The following GPC3 variants were observed in gnomAD, a reference collection of about 807,000 sequenced individuals.
GPC3 encodes glypican-3.
GPC3 carries 3 observed loss-of-function variants against 34.4 expected under a neutral mutation model. The observed-to-expected ratio is 0.09, with a 90% CI of 0.04 to 0.23. The LOEUF (loss-of-function observed/expected upper bound fraction) is 0.23, where lower values mean the gene tolerates loss of function less well. Among genes scored for constraint, GPC3 ranks in the 10% least tolerant of loss-of-function variants. GPC3 has a pLI of 1.00. For synonymous variants in GPC3, 177 were observed against 174.0 expected (o/e 1.02, Z -0.13); for missense variants, 351 against 445.6 (o/e 0.79, Z 1.91).
intron 1 of GPC3, among the ~76,000 whole-genome samples, chrX:133,972,692 G>A (rs1273558113): frequency 8.9e-6 from 1 of 112,268 alleles, no homozygotes; most frequent in Non-Finnish European, 1.9e-5. Flanking sequence ...AATAGACAGA[G>A]GTAGACTTGC....
intron 7 of GPC3, among the ~76,000 whole-genome samples, chrX:133,539,824 G>A (rs1419844165): frequency 1.8e-5 from 2 of 112,567 alleles, no homozygotes; most frequent in Non-Finnish European, 3.7e-5. Context: ...GAAGATTAGA[G>A]ATAAAGGGAA....
At chrX:133,705,879 G>A (rs894422918) in intron 3 of GPC3, among the ~76,000 whole-genome samples, 3 of 112,218 alleles carry the variant, frequency 2.7e-5, no homozygotes, top group African/African-American at 9.7e-5. Flanking sequence ...AAATTCTTTG[G>A]TCTGCCAAGT....
intron 2 of GPC3, among the ~76,000 whole-genome samples, chrX:133,775,718 C>A (rs769655405): frequency 5.4e-5 from 6 of 111,456 alleles, no homozygotes; most frequent in African/African-American, 6.5e-5. Flanking sequence ...GGGGCTTTGG[C>A]AGAATTGAGA....
At chrX:133,835,009 G>A (rs1008044924) in intron 2 of GPC3, among the ~76,000 whole-genome samples, 6 of 111,912 alleles carry the variant, frequency 5.4e-5, no homozygotes, top group African/African-American at 1.6e-4. Context: ...TGGCATCCAC[G>A]CTTTTTGGTT....
At chrX:133,801,835 G>A (rs1012584847) in intron 2 of GPC3, among the ~76,000 whole-genome samples, 12 of 112,188 alleles carry the variant, frequency 1.1e-4, no homozygotes, top group Non-Finnish European at 1.7e-4. Context: ...TGTTTTTTAT[G>A]TGTTGTCTCC....
intron 3 of GPC3, among the ~76,000 whole-genome samples, chrX:133,729,840 G>C (rs1015686035): frequency 8.9e-6 from 1 of 112,105 alleles, no homozygotes; most frequent in Non-Finnish European, 1.9e-5. Context: ...TTTAATTAAC[G>C]CTGATACTTT....
At chrX:133,942,032 C>A (rs1490780697) in intron 2 of GPC3, among the ~76,000 whole-genome samples, 1 of 111,561 alleles carries the variant, frequency 9.0e-6, no homozygotes, top group Non-Finnish European at 1.9e-5. Flanking sequence ...TGGCAAGGGG[C>A]AGACAGGAAA....
intron 1 of GPC3, among the ~76,000 whole-genome samples, chrX:133,979,701 C>T (rs1474690441): frequency 2.7e-5 from 3 of 111,650 alleles, no homozygotes; most frequent in Non-Finnish European, 5.6e-5. Flanking sequence ...ATTCCCATTA[C>T]TTTATGCTGT....
chrX:133,596,735 G>A (rs2069921743), intron 6 of GPC3, 136 bp from the exon 7 acceptor site: 4 of 640,778 alleles, frequency 6.2e-6, no homozygotes, highest in South Asian at 2.4e-5. Context: ...TCAAATTTAC[G>A]TAGGTGTAAA....
chrX:133,713,642 TGACA>T (rs2071290642), intron 3 of GPC3, among the ~76,000 whole-genome samples: 1 of 112,179 alleles, frequency 8.9e-6, no homozygotes, highest in South Asian at 3.7e-4. Context: ...AAAGAAAAAC[TGACA>T]GACAAACTCT....
At chrX:133,584,827 A>G (rs4829758) in intron 7 of GPC3, among the ~76,000 whole-genome samples, 1 of 109,188 alleles carries the variant, frequency 9.2e-6, no homozygotes, top group South Asian at 4.0e-4. Flanking sequence ...GCTTCAGTCC[A>G]CCAATGAGCT....
chrX:133,771,013 A>G (rs2071912822), intron 2 of GPC3, among the ~76,000 whole-genome samples: 1 of 111,357 alleles, frequency 9.0e-6, no homozygotes, highest in African/African-American at 3.3e-5. Flanking sequence ...GACAGTATAC[A>G]CTATGAGGGC....
intron 2 of GPC3, among the ~76,000 whole-genome samples, chrX:133,880,820 T>C (rs1024409681): frequency 1.3e-4 from 14 of 111,725 alleles, no homozygotes; most frequent in Non-Finnish European, 2.1e-4. Flanking sequence ...GCAGTAGTCT[T>C]CAAAACATCA....
intron 2 of GPC3, among the ~76,000 whole-genome samples, chrX:133,805,056 C>T (rs960285058): frequency 1.8e-5 from 2 of 112,028 alleles, no homozygotes; most frequent in Non-Finnish European, 3.8e-5. Context: ...ACTTCTTATT[C>T]ACCAGGTTAC....
chrX:133,741,367 T>C (rs1025726102), intron 3 of GPC3, among the ~76,000 whole-genome samples: 1 of 110,686 alleles, frequency 9.0e-6, no homozygotes, highest in Non-Finnish European at 1.9e-5. Context: ...GCTAAGCCCA[T>C]TGGAAGTTTC....
chrX:133,657,743 G>A (rs763309967), intron 6 of GPC3, among the ~76,000 whole-genome samples: 5 of 111,117 alleles, frequency 4.5e-5, no homozygotes, highest in East Asian at 2.8e-4. Flanking sequence ...TATTCCCTTA[G>A]TGGGTATATT....
In GPC3 at chrX:133,634,490, A is replaced by T. The variant is rs1029727665; in HGVS notation, c.1413+27240T>A. ...ATGTATACCTGTACAATGGAATGCT[A>T]CTCAGCAACAAAAAAGAACAAAGTA... On this transcript the variant is annotated intron_variant, in intron 6 of 7. Coordinates refer to ENST00000370818, the MANE Select transcript of GPC3 (RefSeq NM_004484.4). 4.4e-5 allele frequency among the ~76,000 whole-genome samples: 5 copies of T among 112,407 alleles called. No individual in the cohort carries two copies. In the Admixed American group the frequency reaches 4.7e-4, roughly 11 times the overall value.
At chrX:133,686,130 G>T (rs1006135281) in intron 5 of GPC3, among the ~76,000 whole-genome samples, 2 of 111,872 alleles carry the variant, frequency 1.8e-5, no homozygotes, top group African/African-American at 6.5e-5. Context: ...CCCTATGGGA[G>T]GTGTGCTAAT....
At chrX:133,548,334 G>GT (rs1344119993) in intron 7 of GPC3, among the ~76,000 whole-genome samples, 1 of 111,616 alleles carries the variant, frequency 9.0e-6, no homozygotes, top group Non-Finnish European at 1.9e-5. Flanking sequence ...GTGTATCAGG[G>GT]TTTTAGATAT....
Sources: allele counts gnomAD v4.1 joint callset (sites outside exome capture counted in the v4.1 genomes callset), GRCh38; gene constraint gnomAD v4.1.1; transcripts MANE v1.5; gene names NCBI Gene and HGNC (gene_info 2026-07-23, HGNC 2026-07-21).